Variants in COLGALT1 observed in about 807,000 individuals in gnomAD.
COLGALT1 encodes collagen beta(1-O)galactosyltransferase 1.
Under a neutral mutation model 60.8 loss-of-function variants are expected in COLGALT1, and 43 were observed. That is an observed-to-expected ratio of 0.71 (90% CI 0.55 to 0.91). The LOEUF is 0.91. Ranked by LOEUF, COLGALT1 falls within the 40% of genes least tolerant of loss-of-function variation. The probability of loss-of-function intolerance (pLI) is 0.00; values close to 1 mark genes in which losing one functional copy is unlikely to be tolerated. For missense variants in COLGALT1, 845 were observed against 880.0 expected (o/e 0.96, Z 0.50); for synonymous variants, 369 against 374.2 (o/e 0.99, Z 0.16).
At position 17,580,797 on chromosome 19, in the gene COLGALT1, C is replaced by G; in HGVS notation, c.1493C>G (p.Ala498Gly). The G allele has an allele frequency of 2.5e-6, 4 of 1,614,078 alleles. No individual in the cohort carries two copies. The highest frequency in any genetic ancestry group is 2.2e-5 in the East Asian group (1 of 44,878). Residue 498 changes from alanine (A) to glycine (G), a missense_variant, in exon 11 of 12, where the codon GCC (alanine) becomes GGC (glycine). Physicochemically the swap from Ala to Gly is moderately conservative, Grantham distance 60. Coordinates refer to ENST00000252599, the MANE Select transcript of COLGALT1 (RefSeq NM_024656.4). ...VEADYSYWTL[A>G]YVISLQGARK... ...GCCGACTATTCCTACTGGACCCTGG[C>G]CTACGTGATCTCCCTGCAAGGCGCC... is the stretch of plus-strand genomic sequence containing the variant.
chr19:17,578,151 C>G, intron 9 of COLGALT1, 62 bp downstream of exon 9: 1 of 1,469,992 alleles, frequency 6.8e-7, no homozygotes, highest in Non-Finnish European at 9.0e-7. Context: ...GAGATTTGGA[C>G]GGGAAAGGGG....
At chr19:17,560,989 G>C (rs1411693460) in intron 3 of COLGALT1, among the ~76,000 whole-genome samples, 4 of 151,940 alleles carry the variant, frequency 2.6e-5, no homozygotes, top group Non-Finnish European at 5.9e-5. Flanking sequence ...TGGATCACTT[G>C]AGGTCAGGAG....
At chr19:17,568,461 C>A in intron 4 of COLGALT1, 48 bp from the exon 5 acceptor site, 1 of 1,502,976 alleles carries the variant, frequency 6.7e-7, no homozygotes, top group Non-Finnish European at 9.3e-7. Flanking sequence ...GGGTCTCCAT[C>A]CTCACCTTTC....
At chr19:17,570,015 T>C (rs1274372292) in intron 5 of COLGALT1, among the ~76,000 whole-genome samples, 2 of 149,272 alleles carry the variant, frequency 1.3e-5, no homozygotes, top group African/African-American at 5.0e-5. Flanking sequence ...CTGCCTCAGC[T>C]TTCCGCGTAG....
intron 1 of COLGALT1, among the ~76,000 whole-genome samples, chr19:17,559,062 G>A (rs2076232402): frequency 6.6e-6 from 1 of 152,056 alleles, no homozygotes; most frequent in Non-Finnish European, 1.5e-5. Flanking sequence ...TTGGGAGGCT[G>A]AGACAGGAGA....
At position 17,559,312 on chromosome 19, in the gene COLGALT1, G is replaced by C. The variant is rs2076234217; in HGVS notation, c.262G>C (p.Val88Leu). 1.3e-6 allele frequency: 2 copies of C among 1,551,572 alleles called. No homozygotes were observed. Among genetic ancestry groups the C allele is most frequent in the Non-Finnish European group, 1.7e-6 (2 of 1,146,792 alleles). The change falls in exon 2 of 12, where the codon GTG (valine) becomes CTG (leucine). Residue 88 changes from valine (V) to leucine (L), a missense_variant and splice_region_variant. Coordinates refer to ENST00000252599, the MANE Select transcript of COLGALT1 (RefSeq NM_024656.4). Reference protein sequence around the residue: ...RHPRERTALWVATDHNMDNTS... With the variant: ...RHPRERTALWLATDHNMDNTS... ...GCTGCCTGTCCCCTCTCCCTGCAGGGTGGCTACGGACCACAACATGGATAA... is the reference window on the plus strand; with the variant it reads ...GCTGCCTGTCCCCTCTCCCTGCAGGCTGGCTACGGACCACAACATGGATAA...
rs1844499665 is a variant in COLGALT1, at chr19:17,568,700, C to T, written c.816C>T (p.Ser272=). Residue 272 remains serine (S), a synonymous_variant, in exon 5 of 12, where the codon TCC becomes TCT. Transcript: ENST00000252599. The part of the protein sequence containing the change: ...SFDDIIVFAF[S]CKQAEVQMYV... Reference sequence around the variant, plus strand: ...ACGACATCATCGTCTTTGCCTTCTCCTGCAAGCAGGCAGGTACGTACATGA... The same window carrying T: ...ACGACATCATCGTCTTTGCCTTCTCTTGCAAGCAGGCAGGTACGTACATGA... 4 of 1,614,212 alleles carry T rather than the reference C, an allele frequency of 2.5e-6. No individual in the cohort carries two copies. The highest frequency in any genetic ancestry group is 1.1e-5 in the South Asian group (1 of 91,084).
intron 6 of COLGALT1, among the ~76,000 whole-genome samples, chr19:17,574,004 TA>T (rs1355753618): frequency 6.6e-6 from 1 of 151,808 alleles, no homozygotes; most frequent in Non-Finnish European, 1.5e-5. Flanking sequence ...AATAAAACTT[TA>T]AAAAAATCCA....
rs1442454780 is a variant in COLGALT1 at position 17,580,704 on chromosome 19, T to C, written c.1400T>C (p.Val467Ala). 1 of 1,613,900 alleles carries C rather than the reference T, an allele frequency of 6.2e-7. No individual in the cohort carries two copies. The highest frequency in any genetic ancestry group is 2.2e-5 in the East Asian group (1 of 44,874). ...GGCCCGATCTTGCACCCCAGCTATG[T>C]GGGCCGGAAGCGGATGCAGGTGGAG... ...REGLDWDLIY[V>A]GRKRMQVEHP... The change falls in exon 11 of 12, where the codon GTG becomes GCG. Residue 467 changes from valine (V) to alanine (A), a missense_variant. Val to Ala is a moderately conservative substitution (Grantham distance 64, BLOSUM62 0). Transcript: ENST00000252599.
In COLGALT1 at chr19:17,581,242, TCTACCCCACACA is replaced by T; in HGVS notation, c.1672_1683del (p.Pro558_Tyr561del). Reference sequence around the variant, plus strand: ...GCCTTCTCTGTGGAGCCGCTGCTCATCTACCCCACACACTACACAGGAGACGATGGCTATGTG... The same window carrying T: ...GCCTTCTCTGTGGAGCCGCTGCTCATCTACACAGGAGACGATGGCTATGTG... On this transcript the variant is annotated inframe_deletion, in exon 12 of 12. Coordinates refer to ENST00000252599, the MANE Select transcript of COLGALT1 (RefSeq NM_024656.4). The T allele has an allele frequency of 6.2e-7, 1 of 1,611,036 alleles. No individual in the cohort carries two copies. The highest frequency in any genetic ancestry group is 2.2e-5 in the East Asian group (1 of 44,852).
At position 17,581,540 on chromosome 19, in the gene COLGALT1, C is replaced by T. The variant is rs1366753857; in HGVS notation, c.*96C>T. ...TCCACCTCTGGACCCCTTGGCAGGC[C>T]ACAGAGGGCTCTCGTGTGGGGTGGT... On this transcript the variant is annotated 3_prime_UTR_variant, in exon 12 of 12. Transcript: ENST00000252599. The T allele has an allele frequency of 6.9e-7, 1 of 1,456,354 alleles. No individual in the cohort carries two copies. Among genetic ancestry groups the T allele is most frequent in the East Asian group, 2.4e-5 (1 of 41,186 alleles). 90.2% of individuals were successfully genotyped at this position (1,456,354 alleles called of 1,614,324 possible). A position where few individuals can be genotyped will look rare whatever the true frequency, so the allele number is the denominator to read the frequency against.
chr19:17,567,092 G>A (rs1330336161), intron 3 of COLGALT1, among the ~76,000 whole-genome samples: 1 of 152,058 alleles, frequency 6.6e-6, no homozygotes, highest in Non-Finnish European at 1.5e-5. Context: ...TCCAGCCTGG[G>A]TGACAGAGCG....
At chr19:17,560,549 A>G (rs2046812513) in intron 3 of COLGALT1, 84 bp downstream of exon 3, 7 of 1,086,440 alleles carry the variant, frequency 6.4e-6, no homozygotes, top group South Asian at 6.3e-5. Context: ...TGCCAGGACC[A>G]TCCTTAATGT....
intron 3 of COLGALT1, 54 bp from the exon 4 acceptor site, chr19:17,567,352 G>C: frequency 6.2e-7 from 1 of 1,606,718 alleles, no homozygotes; most frequent in Non-Finnish European, 8.5e-7. Flanking sequence ...CAGCTGTTCT[G>C]AATGGTAGCC....
intron 3 of COLGALT1, among the ~76,000 whole-genome samples, chr19:17,563,181 G>A (rs976746019): frequency 1.4e-5 from 2 of 147,178 alleles, no homozygotes; most frequent in South Asian, 2.1e-4. Flanking sequence ...TAATATTTTC[G>A]TGTTTCTTTT....
Position 17,581,436 on chromosome 19 carries a change from G to T in COLGALT1, c.1861G>T (p.Glu621Ter). 6.2e-7 allele frequency: 1 copy of T among 1,606,314 alleles called. No homozygotes were observed. The change falls in exon 12 of 12, where the codon GAA becomes TAA. Residue 621 changes from glutamate (E) to a stop codon, truncating the protein, a stop_gained. Coordinates refer to ENST00000252599, the MANE Select transcript of COLGALT1 (RefSeq NM_024656.4). LOFTEE classifies it high-confidence loss of function. The stretch of plus-strand genomic sequence containing the variant: ...CCCACTGGACAGTGCTGCCCGGGAT[G>T]AACTCTGAGGGGTAGCAGCCAGAAA... Reference protein sequence around the residue: ...QSPLDSAARDEL With the variant: ...QSPLDSAARD
At chr19:17,566,686 T>G (rs1240054710) in intron 3 of COLGALT1, among the ~76,000 whole-genome samples, 1 of 152,082 alleles carries the variant, frequency 6.6e-6, no homozygotes, top group African/African-American at 2.4e-5. Context: ...GCTCAGCTAC[T>G]TGAGAGGCTG....
chr19:17,582,705 G>T lies in COLGALT1; in HGVS notation c.*1261G>T, dbSNP rs1474318121. On this transcript the variant is annotated 3_prime_UTR_variant, in exon 12 of 12. Coordinates refer to ENST00000252599, the MANE Select transcript of COLGALT1 (RefSeq NM_024656.4). ...GAGTTTGATTCTTCCTGTACCCTCG[G>T]TCGTCTGAGCTGTGTGCAGACAACA... 2 of 152,246 alleles carry T rather than the reference G, an allele frequency of 1.3e-5. No individual in the cohort carries two copies. The highest frequency in any genetic ancestry group is 4.8e-5 in the African/African-American group (2 of 41,462). 9.4% of individuals were successfully genotyped at this position (152,246 alleles called of 1,614,324 possible).
chr19:17,557,182 CACAATTGGTACTTA>C (rs1275361520), intron 1 of COLGALT1, among the ~76,000 whole-genome samples: 3 of 152,224 alleles, frequency 2.0e-5, no homozygotes, highest in African/African-American at 7.2e-5. Context: ...AATCCAAATA[CACAATTGGTACTTA>C]ACAAATGTTT....
Sources: gnomAD v4.1 joint callset for allele counts (sites outside exome capture counted in the v4.1 genomes callset) on GRCh38, gnomAD v4.1.1 for gene constraint, MANE v1.5 for transcripts, NCBI Gene and HGNC (gene_info 2026-07-23, HGNC 2026-07-21) for gene names.